Variants in CADM4 observed in about 807,000 individuals in gnomAD.
CADM4 encodes TSLC1-like 2.
A neutral mutation model predicts 43.9 loss-of-function variants in CADM4; 13 were observed. That is an observed-to-expected ratio of 0.30 (90% confidence interval 0.19 to 0.47). The LOEUF is 0.47. Among genes scored for constraint, CADM4 ranks in the 20% least tolerant of loss-of-function variants. The pLI is 1.00. For synonymous variants in CADM4, 209 were observed against 220.9 expected (o/e 0.95, Z 0.48); for missense variants, 420 against 527.0 (o/e 0.80, Z 1.99).
At chr19:43,632,131 C>T (rs994017979) in intron 1 of CADM4, among the ~76,000 whole-genome samples, 5 of 152,162 alleles carry the variant, frequency 3.3e-5, no homozygotes, top group Non-Finnish European at 1.5e-5. Flanking sequence ...TTCTCAATCT[C>T]AATAAATGTC....
rs1973506088 is a variant in CADM4 at position 43,625,290 on chromosome 19, G to T, written c.756-40C>A. 1.3e-6 allele frequency: 2 copies of T among 1,577,238 alleles called. No homozygotes were observed. The highest frequency in any genetic ancestry group is 1.7e-6 in the Non-Finnish European group (2 of 1,157,444). ...AGTATAGTGAGAGTTAGGAACCGAG[G>T]TGCCAGCACCCAATTCTGACTTGTC... On this transcript the variant is annotated intron_variant, in intron 6 of 8. Coordinates refer to ENST00000222374, the MANE Select transcript of CADM4 (RefSeq NM_145296.2). This position sits in a 1 kb window ranked among gnomAD's most constrained non-coding sequence, Gnocchi z 4.5.
intron 7 of CADM4, 86 bp downstream of exon 7, chr19:43,624,990 CCT>C (rs1973498484): frequency 7.3e-7 from 1 of 1,367,270 alleles, no homozygotes; most frequent in Non-Finnish European, 9.8e-7. Flanking sequence ...CTGCCGAACC[CCT>C]GAGTTATGTG....
At chr19:43,636,041 G>A (rs1014615044) in intron 1 of CADM4, among the ~76,000 whole-genome samples, 12 of 148,504 alleles carry the variant, frequency 8.1e-5, no homozygotes, top group African/African-American at 2.5e-4. Context: ...AGGAGTCCAG[G>A]CCCCCAGCCC....
chr19:43,637,494 C>T (rs1313658514), intron 1 of CADM4, among the ~76,000 whole-genome samples: 1 of 152,114 alleles, frequency 6.6e-6, no homozygotes, highest in African/African-American at 2.4e-5. Flanking sequence ...AAGGCTTGGA[C>T]CCAAGTTCCT....
In CADM4 at chr19:43,627,845, A is replaced by AT; in HGVS notation, c.65-56dup. ...AAGACTTACTGAGAGCTGCAATTCA[A>AT]TTTTTTCTTTCTCCCTCTTCCCCAT... On this transcript the variant is annotated intron_variant, in intron 1 of 8. Transcript: ENST00000222374. This position sits in a 1 kb window ranked among gnomAD's most constrained non-coding sequence, Gnocchi z 4.0. 6.5e-7 allele frequency: 1 copy of AT among 1,547,310 alleles called. No homozygotes were observed. The highest frequency in any genetic ancestry group is 8.8e-7 in the Non-Finnish European group (1 of 1,132,130).
chr19:43,638,575 G>A (rs1345365649), intron 1 of CADM4, among the ~76,000 whole-genome samples: 2 of 152,244 alleles, frequency 1.3e-5, no homozygotes, highest in Non-Finnish European at 2.9e-5. Flanking sequence ...GAGAGTGTGT[G>A]TGGGTGACAT....
chr19:43,638,216 G>A (rs1030266548), intron 1 of CADM4, among the ~76,000 whole-genome samples: 6 of 152,192 alleles, frequency 3.9e-5, no homozygotes, highest in Non-Finnish European at 7.3e-5. Context: ...AAACCCTGGA[G>A]TGGGGAACAT....
intron 1 of CADM4, among the ~76,000 whole-genome samples, chr19:43,637,623 C>G (rs923873836): frequency 8.5e-5 from 13 of 152,132 alleles, no homozygotes; most frequent in East Asian, 3.8e-4. Context: ...GAAGCAGTGA[C>G]TTGGAAATCA....
At chr19:43,630,884 G>A (rs1275461123) in intron 1 of CADM4, among the ~76,000 whole-genome samples, 1 of 152,114 alleles carries the variant, frequency 6.6e-6, no homozygotes, top group Non-Finnish European at 1.5e-5. Flanking sequence ...TTTAAGTGCT[G>A]GATAACTATC....
chr19:43,634,484 G>A (rs1226452784), intron 1 of CADM4, among the ~76,000 whole-genome samples: 1 of 152,046 alleles, frequency 6.6e-6, no homozygotes, highest in Non-Finnish European at 1.5e-5. Flanking sequence ...TCTGCTTGAG[G>A]GTGCACATGG....
At chr19:43,635,580 G>A (rs969300791) in intron 1 of CADM4, among the ~76,000 whole-genome samples, 9 of 151,326 alleles carry the variant, frequency 5.9e-5, no homozygotes, top group African/African-American at 2.2e-4. Flanking sequence ...TCCGGACACA[G>A]GAGTTCCAGC....
chr19:43,627,789 C>A lies in CADM4; in HGVS notation c.66G>T (p.Gly22=), dbSNP rs755400324. ...LLLWAAAAGP[G]AGQEVQTENV... The stretch of plus-strand genomic sequence containing the variant: ...TCTCTGTCTGTACTTCCTGTCCTGC[C>A]CCTGGACGATTAGACAAAGAGACAG... Residue 22 remains glycine, a splice_region_variant and synonymous_variant, in exon 2 of 9, where the codon GGG becomes GGT. Transcript: ENST00000222374. This position sits in a 1 kb window ranked among gnomAD's most constrained non-coding sequence, Gnocchi z 4.0. 3 of 1,606,330 alleles carry A rather than the reference C, an allele frequency of 1.9e-6. No homozygotes were observed. Among genetic ancestry groups the A allele is most frequent in the South Asian group, 1.1e-5 (1 of 90,918 alleles).
intron 1 of CADM4, among the ~76,000 whole-genome samples, chr19:43,632,817 C>A (rs1323985885): frequency 6.6e-6 from 1 of 151,926 alleles, no homozygotes; most frequent in Admixed American, 6.6e-5. Context: ...AGTGCGGTGG[C>A]TCACGCCTGT....
rs775611453 is a variant in CADM4 at position 43,631,298 on chromosome 19, G to A, written c.65-3508C>T. Among the ~76,000 whole-genome samples the A allele has an allele frequency of 3.3e-5, 5 of 151,558 alleles. No homozygotes were observed. The East Asian group carries it at 5.8e-4, about 18-fold the overall frequency. ...AGAGGTTGCAGTGAGCCAAGATCGC[G>A]CCACTGCAGTCCAGCCTGGGTGACA... is the stretch of plus-strand genomic sequence containing the variant. On this transcript the variant is annotated intron_variant, in intron 1 of 8. Coordinates refer to ENST00000222374, the MANE Select transcript of CADM4 (RefSeq NM_145296.2).
intron 1 of CADM4, among the ~76,000 whole-genome samples, chr19:43,632,433 G>C (rs1487142911): frequency 2.0e-5 from 3 of 152,150 alleles, no homozygotes; most frequent in Non-Finnish European, 4.4e-5. Context: ...AGGTAAATCA[G>C]ATCAATTCAC....
chr19:43,634,434 G>T (rs1020369632), intron 1 of CADM4, among the ~76,000 whole-genome samples: 1 of 152,168 alleles, frequency 6.6e-6, no homozygotes, highest in African/African-American at 2.4e-5. Flanking sequence ...GAGCCATCAG[G>T]TTCCTCTGGA....
chr19:43,630,281 C>CTTTTTTTTTT (rs59489315), intron 1 of CADM4, among the ~76,000 whole-genome samples: 4 of 73,430 alleles, frequency 5.4e-5, no homozygotes, highest in Non-Finnish European at 7.3e-5. Context: ...TTTTTCTTTT[C>CTTTTTTTTTT]TTTTTTTTTT....
chr19:43,637,181 G>A (rs16976597), intron 1 of CADM4, among the ~76,000 whole-genome samples: 24,211 of 151,986 alleles, frequency 0.16, 2,746 homozygotes, highest in Middle Eastern at 0.34. Flanking sequence ...CTCAGAAGAT[G>A]AATGAACCAG....
Position 43,627,529 on chromosome 19 carries a change from C to T in CADM4, c.211+115G>A, listed in dbSNP as rs1217470575. 4 of 1,331,240 alleles carry T rather than the reference C, an allele frequency of 3.0e-6. No homozygotes were observed. The highest frequency in any genetic ancestry group is 4.1e-6 in the Non-Finnish European group (4 of 983,402). The allele number at this position is 1,331,240 out of a possible 1,614,324, so 82.5% of individuals were successfully genotyped here. A position where few individuals can be genotyped will look rare whatever the true frequency, so the allele number is the denominator to read the frequency against. Reference sequence around the variant, plus strand: ...CAGCAGTCCGGGACCCCAGCCCTTTCTTCTCCGAGACCCAGGAGACCAAAC... The same window carrying T: ...CAGCAGTCCGGGACCCCAGCCCTTTTTTCTCCGAGACCCAGGAGACCAAAC... On this transcript the variant is annotated intron_variant, in intron 2 of 8. Coordinates refer to ENST00000222374, the MANE Select transcript of CADM4 (RefSeq NM_145296.2). The surrounding 1 kb of genome is among the most constrained non-coding windows in gnomAD (Gnocchi z 4.0).
Sources: allele counts gnomAD v4.1 joint callset (sites outside exome capture counted in the v4.1 genomes callset), GRCh38; gene constraint gnomAD v4.1.1; non-coding constraint Gnocchi (gnomAD v3.1); transcripts MANE v1.5; gene names NCBI Gene and HGNC (gene_info 2026-07-23, HGNC 2026-07-21).